Variants in EPB41L4A observed in about 807,000 individuals in gnomAD.
The protein encoded by EPB41L4A is band 4.1-like protein 4A.
A neutral mutation model predicts 108.6 loss-of-function variants in EPB41L4A; 100 were observed. The observed-to-expected ratio is 0.92, with a 90% confidence interval of 0.78 to 1.09. EPB41L4A has a LOEUF of 1.09. Among genes scored for constraint, EPB41L4A ranks in the 50% least tolerant of loss-of-function variants. The probability of loss-of-function intolerance (pLI) is 0.00; values close to 1 mark genes in which losing one functional copy is unlikely to be tolerated. For synonymous variants in EPB41L4A, 319 were observed against 289.0 expected, an observed-to-expected ratio of 1.10 and a Z score of -1.05; for missense variants, 1,030 against 842.7, an observed-to-expected ratio of 1.22 and a Z score of -2.75.
At chr5:112,172,779 T>C (rs1264303201) in intron 18 of EPB41L4A, among the ~76,000 whole-genome samples, 1 of 152,208 alleles carries the variant, frequency 6.6e-6, no homozygotes, top group Non-Finnish European at 1.5e-5. Context: ...TTACATAATA[T>C]CCAGGTTAGG....
intron 1 of EPB41L4A, among the ~76,000 whole-genome samples, chr5:112,359,050 A>T (rs1758543780): frequency 6.6e-6 from 1 of 152,230 alleles, no homozygotes; most frequent in South Asian, 2.1e-4. Flanking sequence ...CTGTTTGAAA[A>T]GGGACCCAAG....
rs1433511196 is a variant in EPB41L4A, at chr5:112,257,924, A to G, written c.795+1305T>C. Reference sequence around the variant, plus strand: ...GCTACTCTACTTTTTGCATGATTTTAATTCAGTCTTATATTATAATGCACA... The same window carrying G: ...GCTACTCTACTTTTTGCATGATTTTGATTCAGTCTTATATTATAATGCACA... On this transcript the variant is annotated intron_variant, in intron 9 of 22. Transcript: ENST00000261486. Among the ~76,000 whole-genome samples the G allele has an allele frequency of 2.0e-5, 3 of 152,232 alleles. No individual in the cohort carries two copies. In the East Asian group the frequency reaches 5.8e-4, roughly 29 times the overall value.
chr5:112,345,770 T>C (rs868742672), intron 1 of EPB41L4A, among the ~76,000 whole-genome samples: 1 of 107,234 alleles, frequency 9.3e-6, no homozygotes, highest in African/African-American at 4.4e-5. Context: ...TATATATACA[T>C]ATATATATAT....
intron 1 of EPB41L4A, among the ~76,000 whole-genome samples, chr5:112,326,729 T>TTAC (rs1472979528): frequency 6.6e-6 from 1 of 152,212 alleles, no homozygotes; most frequent in Non-Finnish European, 1.5e-5. Context: ...TCTGTTTTCA[T>TTAC]TACTACTTCC....
chr5:112,166,753 G>GT (rs1430364945), intron 22 of EPB41L4A, among the ~76,000 whole-genome samples: 1 of 152,204 alleles, frequency 6.6e-6, no homozygotes, highest in Non-Finnish European at 1.5e-5. Context: ...ACTACATCCT[G>GT]TTTGTGTCAC....
At chr5:112,418,134 C>T (rs1762822443) in intron 1 of EPB41L4A, among the ~76,000 whole-genome samples, 1 of 152,078 alleles carries the variant, frequency 6.6e-6, no homozygotes, top group Non-Finnish European at 1.5e-5. Context: ...GAAAGATAAA[C>T]AAAACAACAA....
chr5:112,287,593 G>T lies in EPB41L4A; in HGVS notation c.205-7270C>A, dbSNP rs578039440. On this transcript the variant is annotated intron_variant, in intron 2 of 22. Transcript: ENST00000261486. ...CAATATCCTCCAGTGGTTTCCTTTC[G>T]CACTCAAAGTAAAACACAAAATCCT... Among the ~76,000 whole-genome samples the T allele has an allele frequency of 2.0e-5, 3 of 152,124 alleles. No homozygotes were observed. The South Asian group carries it at 6.2e-4, about 32-fold the overall frequency.
At chr5:112,246,784 TA>T (rs112395058) in intron 9 of EPB41L4A, among the ~76,000 whole-genome samples, 1 of 151,954 alleles carries the variant, frequency 6.6e-6, no homozygotes, top group African/African-American at 2.4e-5. Flanking sequence ...TCATCCTATG[TA>T]AAAAAAATGT....
At chr5:112,240,120 G>C (rs186166682) in intron 10 of EPB41L4A, among the ~76,000 whole-genome samples, 1 of 152,108 alleles carries the variant, frequency 6.6e-6, no homozygotes, top group African/African-American at 2.4e-5. Context: ...CCCTTTCCTC[G>C]TTTCCCAGGA....
intron 1 of EPB41L4A, among the ~76,000 whole-genome samples, chr5:112,375,289 A>G (rs1185502386): frequency 4.6e-5 from 7 of 151,106 alleles, no homozygotes; most frequent in Non-Finnish European, 1.0e-4. Context: ...ACACTGACCC[A>G]CAGACCATAA....
chr5:112,375,846 G>T (rs115097764), intron 1 of EPB41L4A, among the ~76,000 whole-genome samples: 1 of 152,130 alleles, frequency 6.6e-6, no homozygotes, highest in Non-Finnish European at 1.5e-5. Context: ...CTGACTTCAC[G>T]AATTAGAGTG....
At position 112,336,346 on chromosome 5, in the gene EPB41L4A, G is replaced by A. The variant is rs1213227795; in HGVS notation, c.100-28856C>T. ...TGTTCAGAGTTAGGTGGAGTAAGGC[G>A]CTTTCCTCTGCATGTCACTGGTTGG... On this transcript the variant is annotated intron_variant, in intron 1 of 22. Coordinates refer to ENST00000261486, the MANE Select transcript of EPB41L4A (RefSeq NM_022140.5). Among the ~76,000 whole-genome samples the A allele has an allele frequency of 2.0e-5, 3 of 152,290 alleles. No individual in the cohort carries two copies. The East Asian group carries it at 5.8e-4, about 29-fold the overall frequency.
intron 4 of EPB41L4A, among the ~76,000 whole-genome samples, chr5:112,271,007 G>T (rs565304219): frequency 2.2e-4 from 34 of 152,216 alleles, no homozygotes; most frequent in African/African-American, 8.2e-4. Context: ...TTTCAGATAG[G>T]GCTGTCAGCA....
intron 1 of EPB41L4A, among the ~76,000 whole-genome samples, chr5:112,307,826 CA>C (rs1173460452): frequency 6.6e-6 from 1 of 151,754 alleles, no homozygotes; most frequent in African/African-American, 2.4e-5. Flanking sequence ...ATAAATGCAT[CA>C]AAAAAACACT....
chr5:112,243,596 G>C (rs1749980572), intron 9 of EPB41L4A, among the ~76,000 whole-genome samples: 1 of 152,318 alleles, frequency 6.6e-6, no homozygotes, highest in East Asian at 1.9e-4. Flanking sequence ...CTGAAAATCT[G>C]TTGTTTAGTG....
At position 112,266,311 on chromosome 5, in the gene EPB41L4A, C is replaced by T. The variant is rs767748188; in HGVS notation, c.355G>A (p.Val119Met). Residue 119 changes from valine to methionine, a missense_variant, in exon 5 of 23, where the codon GTG becomes ATG. Physicochemically the swap from Val to Met is conservative, Grantham distance 21 (BLOSUM62 1). Coordinates refer to ENST00000261486, the MANE Select transcript of EPB41L4A (RefSeq NM_022140.5). ...CGGCCCTGAAGGACATCTTGCTTCA[C>T]CTGCAAGAAAAACTGATATCTAAAA... The part of the protein sequence containing the change: ...EITRYQFFLQ[V>M]KQDVLQGRLP... 3 of 1,603,928 alleles carry T rather than the reference C, an allele frequency of 1.9e-6. No homozygotes were observed. The highest frequency in any genetic ancestry group is 2.6e-6 in the Non-Finnish European group (3 of 1,175,220).
At chr5:112,166,007 C>T (rs899694350) in intron 22 of EPB41L4A, among the ~76,000 whole-genome samples, 4 of 152,150 alleles carry the variant, frequency 2.6e-5, no homozygotes, top group African/African-American at 9.7e-5. Context: ...GGGAAGAGAA[C>T]ACCAGTGAAT....
At position 112,329,930 on chromosome 5, in the gene EPB41L4A, G is replaced by T. The variant is rs574904100; in HGVS notation, c.100-22440C>A. 1.2e-4 allele frequency among the ~76,000 whole-genome samples: 18 copies of T among 152,282 alleles called. No homozygotes were observed. The South Asian group carries it at 3.7e-3, about 32-fold the overall frequency. ...TCCTTACAGGTCTCCACAAGGCTAT[G>T]TGACTGTCGGCAAGTCTGCTGAATC... On this transcript the variant is annotated intron_variant, in intron 1 of 22. Transcript: ENST00000261486.
chr5:112,295,118 C>A (rs964179039), intron 2 of EPB41L4A, among the ~76,000 whole-genome samples: 2 of 152,196 alleles, frequency 1.3e-5, no homozygotes, highest in African/African-American at 4.8e-5. Flanking sequence ...GTGGTCCCAG[C>A]TTAGTTATTA....
Sources: allele counts gnomAD v4.1 joint callset (sites outside exome capture counted in the v4.1 genomes callset), GRCh38; gene constraint gnomAD v4.1.1; transcripts MANE v1.5; gene names NCBI Gene and HGNC (gene_info 2026-07-23, HGNC 2026-07-21).